Variants in THNSL1 observed in about 807,000 individuals in gnomAD.
THNSL1 encodes the protein threonine synthase-like 1.
THNSL1 carries 48 observed loss-of-function variants against 50.4 expected under a neutral mutation model. The ratio of observed to expected loss-of-function variants is 0.95; its 90% CI spans 0.76 to 1.21. The LOEUF is 1.21. Ranked by LOEUF, THNSL1 falls within the 50% of genes most tolerant of loss-of-function variation. THNSL1 has a pLI of 0.00. For missense variants in THNSL1, 896 were observed against 871.7 expected (o/e 1.03, Z -0.35); for synonymous variants, 309 against 306.1 (o/e 1.01, Z -0.10).
chr10:24,989,586 A>C, the THNSL1 span, among the ~76,000 whole-genome samples: 26 of 152,252 alleles, frequency 1.7e-4, no homozygotes, highest in Non-Finnish European at 3.1e-4. Flanking sequence ...ACTCCACTGC[A>C]GATATTTTAA....
chr10:24,959,847 C>T, the THNSL1 span, among the ~76,000 whole-genome samples: 3 of 152,094 alleles, frequency 2.0e-5, no homozygotes, highest in Non-Finnish European at 2.9e-5. Flanking sequence ...TTATATATAA[C>T]ACTGTTTTCA....
the THNSL1 span, among the ~76,000 whole-genome samples, chr10:24,961,519 CT>C: frequency 6.6e-6 from 1 of 151,772 alleles, no homozygotes; most frequent in Non-Finnish European, 1.5e-5. Flanking sequence ...CTAAATTTAG[CT>C]TACAATATTA....
chr10:24,995,817 A>C, the THNSL1 span: 2 of 1,613,832 alleles, frequency 1.2e-6, no homozygotes, highest in Non-Finnish European at 1.7e-6. Flanking sequence ...CAGGATGATC[A>C]GTCTTCAATG....
At chr10:25,022,114 T>G (rs1460107771) in intron 2 of THNSL1, among the ~76,000 whole-genome samples, 2 of 152,176 alleles carry the variant, frequency 1.3e-5, no homozygotes, top group Non-Finnish European at 2.9e-5. Context: ...TGACATTACT[T>G]CAGGCAATTT....
At chr10:25,001,515 T>C in the THNSL1 span, among the ~76,000 whole-genome samples, 1 of 152,126 alleles carries the variant, frequency 6.6e-6, no homozygotes, top group Non-Finnish European at 1.5e-5. Flanking sequence ...TTTGACTGCT[T>C]GATATTGTTC....
At chr10:24,967,703 A>C in the THNSL1 span, among the ~76,000 whole-genome samples, 2 of 149,430 alleles carry the variant, frequency 1.3e-5, no homozygotes, top group Non-Finnish European at 3.0e-5. Context: ...TGTGTGTATG[A>C]TGTGTGTATA....
chr10:24,952,971 G>T, the THNSL1 span, among the ~76,000 whole-genome samples: 1 of 152,002 alleles, frequency 6.6e-6, no homozygotes, highest in East Asian at 1.9e-4. This position sits in a 1 kb window ranked among gnomAD's most constrained non-coding sequence, Gnocchi z 5.1. Flanking sequence ...GGAAGAGAAC[G>T]TGTCCCCCAG....
chr10:24,974,017 G>A, the THNSL1 span, among the ~76,000 whole-genome samples: 40,830 of 151,976 alleles, frequency 0.27, 6,764 homozygotes, highest in East Asian at 0.47. Flanking sequence ...GCCTCCCAAG[G>A]TGCTAGGATT....
At chr10:25,015,456 T>G (rs1319047448), upstream of THNSL1, among the ~76,000 whole-genome samples, 2 of 152,182 alleles carry the variant, frequency 1.3e-5, no homozygotes, top group Non-Finnish European at 2.9e-5. Context: ...GAGGGAGTAG[T>G]GCAGTTAGAA....
chr10:25,017,645 T>C (rs1850634256), intron 1 of THNSL1, among the ~76,000 whole-genome samples: 1 of 151,564 alleles, frequency 6.6e-6, no homozygotes, highest in Non-Finnish European at 1.5e-5. Flanking sequence ...TGTATACAGT[T>C]GATTTTAATT....
chr10:25,018,571 A>G (rs1314870813), intron 1 of THNSL1, among the ~76,000 whole-genome samples: 1 of 151,990 alleles, frequency 6.6e-6, no homozygotes. Context: ...ATGGTGGGCC[A>G]GATTTAGCCT....
chr10:24,952,483 G>A, the THNSL1 span: 10 of 1,549,840 alleles, frequency 6.5e-6, no homozygotes, highest in African/African-American at 1.2e-4. The surrounding 1 kb of genome is among the most constrained non-coding windows in gnomAD (Gnocchi z 5.1). Flanking sequence ...GTGCCAGGGA[G>A]GGAGGGGAGC....
At chr10:24,973,782 C>A in the THNSL1 span, among the ~76,000 whole-genome samples, 4 of 152,098 alleles carry the variant, frequency 2.6e-5, no homozygotes, top group East Asian at 7.7e-4. Context: ...GAGACAGAGT[C>A]TCCCTCTTTC....
At chr10:24,974,236 T>G in the THNSL1 span, among the ~76,000 whole-genome samples, 1 of 152,170 alleles carries the variant, frequency 6.6e-6, no homozygotes, top group Non-Finnish European at 1.5e-5. Flanking sequence ...CTTTTAAACA[T>G]TTGAATAAAT....
chr10:24,999,792 A>G, the THNSL1 span, among the ~76,000 whole-genome samples: 3 of 152,190 alleles, frequency 2.0e-5, no homozygotes, highest in African/African-American at 7.2e-5. Flanking sequence ...TCCTTTGAAC[A>G]TCTGTAGCAT....
At chr10:25,022,665 T>C (rs1850747960) in intron 2 of THNSL1, among the ~76,000 whole-genome samples, 1 of 152,138 alleles carries the variant, frequency 6.6e-6, no homozygotes, top group Non-Finnish European at 1.5e-5. Flanking sequence ...AATTTATGAG[T>C]AATATAGTCT....
chr10:25,002,841 C>A, the THNSL1 span, among the ~76,000 whole-genome samples: 3 of 151,838 alleles, frequency 2.0e-5, no homozygotes, highest in East Asian at 1.9e-4. Flanking sequence ...ATGTTCAAAC[C>A]AAATCTGTGC....
At chr10:25,000,951 T>C in the THNSL1 span, among the ~76,000 whole-genome samples, 3 of 152,220 alleles carry the variant, frequency 2.0e-5, no homozygotes, top group African/African-American at 7.2e-5. Context: ...TATTATAGCA[T>C]TTAACATGTG....
chr10:24,978,161 G>C, the THNSL1 span, among the ~76,000 whole-genome samples: 1 of 152,034 alleles, frequency 6.6e-6, no homozygotes, highest in Non-Finnish European at 1.5e-5. Flanking sequence ...GGTATAATTG[G>C]TATTCACTTA....
Sources: allele counts gnomAD v4.1 joint callset (sites outside exome capture counted in the v4.1 genomes callset), GRCh38; gene constraint gnomAD v4.1.1; non-coding constraint Gnocchi (gnomAD v3.1); transcripts MANE v1.5; gene names NCBI Gene and HGNC (gene_info 2026-07-23, HGNC 2026-07-21).